Variants in CCDC7 observed in about 807,000 individuals in gnomAD.
CCDC7 encodes the protein coiled-coil domain-containing protein 7.
In CCDC7, 183 loss-of-function variants were observed where a neutral mutation model predicts 196.9. That is an observed-to-expected ratio of 0.93 (90% CI 0.82 to 1.05). CCDC7 has a LOEUF of 1.05. Ranked by LOEUF, CCDC7 falls within the 50% of genes least tolerant of loss-of-function variation. The pLI is 0.00. For missense variants in CCDC7, 1,540 were observed against 1,482.2 expected (o/e 1.04, Z -0.64); for synonymous variants, 525 against 484.6 (o/e 1.08, Z -1.10).
chr10:32,837,851 C>T (rs536419189), intron 33 of CCDC7, among the ~76,000 whole-genome samples: 2 of 148,866 alleles, frequency 1.3e-5, no homozygotes, highest in South Asian at 4.2e-4. Flanking sequence ...CGCATGTTCT[C>T]ACTCATAGGT....
intron 24 of CCDC7, among the ~76,000 whole-genome samples, chr10:32,701,386 A>T (rs999079099): frequency 1.3e-5 from 2 of 152,194 alleles, no homozygotes; most frequent in African/African-American, 4.8e-5. Context: ...CATGGTGGAT[A>T]AGCTTTCTGA....
intron 8 of CCDC7, among the ~76,000 whole-genome samples, chr10:32,485,270 G>C (rs1017821396): frequency 2.0e-5 from 3 of 152,218 alleles, no homozygotes; most frequent in Admixed American, 2.0e-4. Context: ...AGATTTTCTA[G>C]TTTATTTGCA....
At chr10:32,583,337 T>A in intron 17 of CCDC7, 30 bp downstream of exon 18, 1 of 1,188,994 alleles carries the variant, frequency 8.4e-7, no homozygotes, top group Non-Finnish European at 1.1e-6. Context: ...TTGAAAGCTG[T>A]TTATTTCATA....
intron 13 of CCDC7, 67 bp downstream of exon 14, chr10:32,544,368 G>C: frequency 1.3e-6 from 2 of 1,483,884 alleles, no homozygotes; most frequent in Non-Finnish European, 1.8e-6. Context: ...CATATATAGA[G>C]AAACATTATT....
upstream of CCDC7, among the ~76,000 whole-genome samples, chr10:32,444,422 T>G (rs190359506): frequency 2.6e-5 from 4 of 152,370 alleles, no homozygotes; most frequent in Admixed American, 2.0e-4. Flanking sequence ...AGCTGTGCTA[T>G]TAAGGCCACA....
intron 18 of CCDC7, among the ~76,000 whole-genome samples, chr10:32,617,281 AT>A (rs2062885037): frequency 6.6e-6 from 1 of 150,852 alleles, no homozygotes; most frequent in African/African-American, 2.4e-5. Flanking sequence ...TTTGTTTTCT[AT>A]TTCATTTGGT....
intron 9 of CCDC7, among the ~76,000 whole-genome samples, chr10:32,494,316 CA>C (rs1367250668): frequency 2.0e-5 from 3 of 151,478 alleles, no homozygotes; most frequent in African/African-American, 7.3e-5. Flanking sequence ...GGACATTTGT[CA>C]AAGATCAGTT....
At chr10:32,563,969 C>T (rs561308948) in intron 13 of CCDC7, among the ~76,000 whole-genome samples, 13 of 152,248 alleles carry the variant, frequency 8.5e-5, no homozygotes, top group African/African-American at 1.2e-4. Context: ...AAACAAACAA[C>T]CCCATCAAAA....
chr10:32,456,035 T>C (rs1363465256), intron 2 of CCDC7, among the ~76,000 whole-genome samples: 2 of 152,210 alleles, frequency 1.3e-5, no homozygotes, highest in Non-Finnish European at 2.9e-5. Context: ...TATATGTCAC[T>C]GATGGGCCAC....
intron 31 of CCDC7, among the ~76,000 whole-genome samples, chr10:32,820,206 T>C (rs2089877688): frequency 6.6e-6 from 1 of 152,134 alleles, no homozygotes; most frequent in African/African-American, 2.4e-5. Flanking sequence ...TGAACTCCCA[T>C]TCACAATTGC....
At chr10:32,540,867 G>T (rs1315987108) in intron 11 of CCDC7, among the ~76,000 whole-genome samples, 1 of 152,058 alleles carries the variant, frequency 6.6e-6, no homozygotes, top group Non-Finnish European at 1.5e-5. Flanking sequence ...ATCTTCTTAT[G>T]TAATACCTTT....
At chr10:32,594,790 T>C (rs1337490113) in intron 18 of CCDC7, among the ~76,000 whole-genome samples, 1 of 152,226 alleles carries the variant, frequency 6.6e-6, no homozygotes, top group Non-Finnish European at 1.5e-5. Context: ...AGGCCTTTTC[T>C]GCATCTGTTG....
chr10:32,554,619 A>G (rs1474494390), intron 13 of CCDC7, among the ~76,000 whole-genome samples: 2 of 152,204 alleles, frequency 1.3e-5, no homozygotes, highest in African/African-American at 4.8e-5. Context: ...TCGGGAAAGG[A>G]GGGTCTCCCT....
intron 21 of CCDC7, among the ~76,000 whole-genome samples, chr10:32,673,563 C>T (rs1200203598): frequency 6.6e-6 from 1 of 150,784 alleles, no homozygotes; most frequent in Non-Finnish European, 1.5e-5. Context: ...TTGGATAGTT[C>T]GTTGTTAGTA....
intron 24 of CCDC7, among the ~76,000 whole-genome samples, chr10:32,700,760 A>C (rs977501473): frequency 6.6e-6 from 1 of 152,160 alleles, no homozygotes; most frequent in Admixed American, 6.6e-5. Context: ...CTCCTTGAAG[A>C]GGTCCTTCAC....
exon 25 of CCDC7, chr10:32,711,686 T>C (rs2080862945): frequency 6.3e-7 from 1 of 1,595,056 alleles, no homozygotes; most frequent in Non-Finnish European, 8.5e-7. Context: ...AAAATCCAAG[T>C]GCAATTAGAG....
At chr10:32,813,167 T>C (rs1565580522) in intron 30 of CCDC7, among the ~76,000 whole-genome samples, 1 of 152,180 alleles carries the variant, frequency 6.6e-6, no homozygotes, top group Non-Finnish European at 1.5e-5. Flanking sequence ...TGTCCAACCA[T>C]AGTTATATAC....
At chr10:32,756,181 C>G (rs1428268531) in intron 28 of CCDC7, among the ~76,000 whole-genome samples, 3 of 152,210 alleles carry the variant, frequency 2.0e-5, no homozygotes, top group Admixed American at 1.3e-4. Flanking sequence ...GGAAAACACT[C>G]TTCTGGATAT....
intron 29 of CCDC7, among the ~76,000 whole-genome samples, chr10:32,791,431 A>G (rs111673670): frequency 0.013 from 1,910 of 152,124 alleles, 46 homozygotes; most frequent in African/African-American, 0.044. Context: ...ATTTTAAGGT[A>G]ACTCACTAAG....
Sources: gnomAD v4.1 joint callset for allele counts (sites outside exome capture counted in the v4.1 genomes callset) on GRCh38, gnomAD v4.1.1 for gene constraint, MANE v1.5 for transcripts, NCBI Gene and HGNC (gene_info 2026-07-23, HGNC 2026-07-21) for gene names.